C2orf49: variants seen among roughly 807,000 people sequenced by gnomAD.
The protein encoded by C2orf49 is tRNA-splicing ligase complex subunit ASW.
C2orf49 carries 11 observed loss-of-function variants against 20.6 expected under a neutral mutation model. That is an observed-to-expected ratio of 0.53 (90% CI 0.34 to 0.88). C2orf49 has a LOEUF of 0.88. Among genes scored for constraint, C2orf49 ranks in the 40% least tolerant of loss-of-function variants. The pLI is 0.02. For missense variants in C2orf49, 289 were observed against 274.2 expected (o/e 1.05, Z -0.38); for synonymous variants, 134 against 108.5 (o/e 1.24, Z -1.46).
chr2:105,366,106 G>A, the C2orf49 span, among the ~76,000 whole-genome samples: 16 of 152,198 alleles, frequency 1.1e-4, no homozygotes, highest in African/African-American at 3.9e-4. Context: ...CTACTTGGGA[G>A]GCTGAGGCAG....
At chr2:105,358,376 C>A in the C2orf49 span, 1 of 152,328 alleles carries the variant, frequency 6.6e-6, no homozygotes, top group Middle Eastern at 3.1e-3. Context: ...GATTGCCCCT[C>A]CCAATGTGGA....
chr2:105,341,059 A>C (rs372612895), intron 2 of C2orf49, among the ~76,000 whole-genome samples: 3 of 152,244 alleles, frequency 2.0e-5, no homozygotes, highest in African/African-American at 7.2e-5. Flanking sequence ...TCAAGAATGC[A>C]TTTTAGATTG....
rs930927247 is a variant in C2orf49 at position 105,345,688 on chromosome 2, C to T, written c.*317C>T. 5.1e-5 allele frequency: 14 copies of T among 272,114 alleles called. No homozygotes were observed. The South Asian group carries it at 5.7e-4, about 11-fold the overall frequency. 16.9% of individuals were successfully genotyped at this position (272,114 alleles called of 1,614,324 possible). ...TAAAGCATCCATTGAATTGGCCAGGCGCAGTGGCTCACGCCTATAATCCCA... is the reference window on the plus strand; with the variant it reads ...TAAAGCATCCATTGAATTGGCCAGGTGCAGTGGCTCACGCCTATAATCCCA... On this transcript the variant is annotated 3_prime_UTR_variant, in exon 4 of 4. Coordinates refer to ENST00000258457, the MANE Select transcript of C2orf49 (RefSeq NM_024093.3).
At position 105,345,448 on chromosome 2, in the gene C2orf49, A is replaced by G; in HGVS notation, c.*77A>G. The G allele has an allele frequency of 8.9e-7, 1 of 1,129,910 alleles. No homozygotes were observed. The highest frequency in any genetic ancestry group is 2.2e-5 in the Admixed American group (1 of 45,350). The allele number at this position is 1,129,910 out of a possible 1,614,324, so 70.0% of individuals were successfully genotyped here. ...GTTCATATATATTGACAATATTTAC[A>G]GAAATCCTGATTATTGTGGAATTTT... On this transcript the variant is annotated 3_prime_UTR_variant, in exon 4 of 4. Transcript: ENST00000258457.
At chr2:105,361,190 T>C in the C2orf49 span, 4 of 1,340,960 alleles carry the variant, frequency 3.0e-6, no homozygotes, top group Non-Finnish European at 3.1e-6. Context: ...TCAATGTGGC[T>C]GGAAGAAACC....
At chr2:105,342,611 G>A (rs1212390136) in intron 2 of C2orf49, among the ~76,000 whole-genome samples, 1 of 152,166 alleles carries the variant, frequency 6.6e-6, no homozygotes, top group Non-Finnish European at 1.5e-5. Flanking sequence ...ATAGCTGCAT[G>A]TTGTGTATAC....
At chr2:105,375,602 C>G in the C2orf49 span, 633 of 152,444 alleles carry the variant, frequency 4.2e-3, 3 homozygotes, top group Non-Finnish European at 7.9e-3. Flanking sequence ...CAGAAGGAGA[C>G]TCAGTCTCAA....
chr2:105,339,608 T>TA lies in C2orf49; in HGVS notation c.127dup (p.Arg43LysfsTer9), dbSNP rs1679610036. 6.3e-7 allele frequency: 1 copy of TA among 1,596,484 alleles called. No homozygotes were observed. The highest frequency in any genetic ancestry group is 1.4e-5 in the African/African-American group (1 of 73,808). Reference sequence around the variant, plus strand: ...AAGAACATAGCTGTTGAAACTGATGTAAGAGTAAACAAAGACAGTCTTACT... The same window carrying TA: ...AAGAACATAGCTGTTGAAACTGATGTAAAGAGTAAACAAAGACAGTCTTACT... On this transcript the variant is annotated frameshift_variant, in exon 2 of 4. Transcript: ENST00000258457. LOFTEE classifies it high-confidence loss of function.
At chr2:105,382,777 C>G in the C2orf49 span, among the ~76,000 whole-genome samples, 2 of 152,162 alleles carry the variant, frequency 1.3e-5, no homozygotes, top group Non-Finnish European at 2.9e-5. Context: ...CTTGCAGACC[C>G]ATGGAACATT....
chr2:105,372,854 G>A, the C2orf49 span, among the ~76,000 whole-genome samples: 2 of 152,200 alleles, frequency 1.3e-5, no homozygotes, highest in South Asian at 4.2e-4. Context: ...ACCGCACCCA[G>A]CTTCTTTCTG....
chr2:105,384,018 T>C, the C2orf49 span, among the ~76,000 whole-genome samples: 1 of 152,224 alleles, frequency 6.6e-6, no homozygotes, highest in East Asian at 1.9e-4. Flanking sequence ...TATTTGCTCA[T>C]AAAACATGCG....
chr2:105,367,697 G>T, the C2orf49 span: 15 of 1,614,064 alleles, frequency 9.3e-6, no homozygotes, highest in African/African-American at 1.2e-4. Flanking sequence ...GATGAAGCAG[G>T]TCTCATGCCA....
the C2orf49 span, among the ~76,000 whole-genome samples, chr2:105,368,417 G>C: frequency 1.3e-5 from 2 of 152,140 alleles, no homozygotes; most frequent in African/African-American, 2.4e-5. Context: ...CTGCAGCCTT[G>C]AACATCTGGG....
chr2:105,339,612 A>G lies in C2orf49; in HGVS notation c.129A>G (p.Arg43=), dbSNP rs1247890360. ...QKNIAVETDV[R]VNKDSLTDLY... ...ACATAGCTGTTGAAACTGATGTAAG[A>G]GTAAACAAAGACAGTCTTACTGACC... The change falls in exon 2 of 4, where the codon AGA becomes AGG. Residue 43 remains arginine (R), a synonymous_variant. Coordinates refer to ENST00000258457, the MANE Select transcript of C2orf49 (RefSeq NM_024093.3). 1.3e-6 allele frequency: 2 copies of G among 1,598,690 alleles called. No homozygotes were observed. The highest frequency in any genetic ancestry group is 2.3e-5 in the South Asian group (2 of 86,892).
chr2:105,362,928 C>A, the C2orf49 span: 2 of 227,092 alleles, frequency 8.8e-6, no homozygotes, highest in South Asian at 1.6e-4. Flanking sequence ...CTAGGGGACA[C>A]TTCTAAGAAC....
chr2:105,364,319 C>T, the C2orf49 span, among the ~76,000 whole-genome samples: 7 of 152,280 alleles, frequency 4.6e-5, no homozygotes, highest in East Asian at 3.9e-4. Context: ...ATGCCACTCA[C>T]GAGCCTGTCT....
chr2:105,339,299 A>G (rs1209231961), intron 1 of C2orf49, among the ~76,000 whole-genome samples: 2 of 152,150 alleles, frequency 1.3e-5, no homozygotes, highest in South Asian at 2.1e-4. Flanking sequence ...TATTAAGATA[A>G]TTTTACTGGA....
At chr2:105,377,142 C>G in the C2orf49 span, among the ~76,000 whole-genome samples, 1 of 152,306 alleles carries the variant, frequency 6.6e-6, no homozygotes, top group East Asian at 1.9e-4. Context: ...CTCCCACATG[C>G]TTAGCATTCC....
the C2orf49 span, among the ~76,000 whole-genome samples, chr2:105,364,288 TG>T: frequency 2.6e-5 from 4 of 151,838 alleles, no homozygotes; most frequent in African/African-American, 9.7e-5. Context: ...ACAAAAACCC[TG>T]GCAAGTGGTA....
Sources: allele counts gnomAD v4.1 joint callset (sites outside exome capture counted in the v4.1 genomes callset), GRCh38; gene constraint gnomAD v4.1.1; transcripts MANE v1.5; gene names NCBI Gene and HGNC (gene_info 2026-07-23, HGNC 2026-07-21).